The following RBFOX1 variants were observed in gnomAD, a reference collection of about 807,000 sequenced individuals.
RBFOX1 encodes RNA binding fox-1 homolog 1.
RBFOX1 carries 8 observed loss-of-function variants against 57.7 expected under a neutral mutation model. The observed-to-expected ratio is 0.14, with a 90% CI of 0.08 to 0.25. RBFOX1 has a LOEUF of 0.25. Ranked by LOEUF, RBFOX1 falls within the 10% of genes least tolerant of loss-of-function variation. The pLI is 1.00. For missense variants in RBFOX1, 611 were observed against 548.5 expected (o/e 1.11, Z -1.14); for synonymous variants, 326 against 222.4 (o/e 1.47, Z -4.15).
At chr16:6,133,243 A>T (rs2096642641) in intron 1 of RBFOX1, among the ~76,000 whole-genome samples, 1 of 152,082 alleles carries the variant, frequency 6.6e-6, no homozygotes, top group South Asian at 2.1e-4. Flanking sequence ...AAGTCCCCTG[A>T]TTGCTCCACT....
chr16:5,844,618 G>A (rs1289408595), intron 3 of RBFOX1, among the ~76,000 whole-genome samples: 1 of 152,130 alleles, frequency 6.6e-6, no homozygotes, highest in Non-Finnish European at 1.5e-5. Flanking sequence ...AAAATAAGCA[G>A]TGTGTCACTT....
intron 3 of RBFOX1, among the ~76,000 whole-genome samples, chr16:5,627,630 C>G (rs183731714): frequency 6.6e-6 from 1 of 152,220 alleles, no homozygotes; most frequent in East Asian, 1.9e-4. Flanking sequence ...GGGATTGATA[C>G]CCCAAAGTAG....
chr16:6,383,745 G>A (rs1006789943), intron 2 of RBFOX1, among the ~76,000 whole-genome samples: 1 of 151,886 alleles, frequency 6.6e-6, no homozygotes, highest in African/African-American at 2.4e-5. Context: ...ACTCCAGCCT[G>A]GGCGACAGTG....
chr16:7,090,636 C>T (rs1482558340), intron 4 of RBFOX1, among the ~76,000 whole-genome samples: 4 of 151,998 alleles, frequency 2.6e-5, no homozygotes, highest in East Asian at 1.9e-4. Flanking sequence ...TTGTAGTTTT[C>T]GTTGTATTTT....
chr16:6,779,991 A>T (rs1424645235), intron 3 of RBFOX1, among the ~76,000 whole-genome samples: 1 of 53,330 alleles, frequency 1.9e-5, no homozygotes, highest in African/African-American at 9.9e-5. Context: ...TTATATATTT[A>T]TATATTTATA....
At chr16:5,563,038 C>G (rs1290634579) in intron 2 of RBFOX1, among the ~76,000 whole-genome samples, 1 of 152,148 alleles carries the variant, frequency 6.6e-6, no homozygotes, top group Non-Finnish European at 1.5e-5. Flanking sequence ...CAACCTCTGC[C>G]TCCCAGGTTC....
At chr16:6,470,916 G>A (rs756783005) in intron 2 of RBFOX1, among the ~76,000 whole-genome samples, 2 of 151,796 alleles carry the variant, frequency 1.3e-5, no homozygotes, top group African/African-American at 2.4e-5. Context: ...CTGTGTCTTT[G>A]TGCAAACCCT....
At chr16:7,129,719 C>A (rs940202174) in intron 4 of RBFOX1, among the ~76,000 whole-genome samples, 1 of 151,804 alleles carries the variant, frequency 6.6e-6, no homozygotes, top group African/African-American at 2.4e-5. Flanking sequence ...GCCCCCAAAT[C>A]GGGTTGTGTG....
intron 2 of RBFOX1, among the ~76,000 whole-genome samples, chr16:5,494,807 C>T (rs1303854763): frequency 6.6e-6 from 1 of 152,132 alleles, no homozygotes; most frequent in Non-Finnish European, 1.5e-5. Flanking sequence ...AACTAAGGGA[C>T]CCTCAGAGAT....
At chr16:7,229,541 A>AGAGAGAGGG (rs2093353572) in intron 4 of RBFOX1, among the ~76,000 whole-genome samples, 1 of 139,054 alleles carries the variant, frequency 7.2e-6, no homozygotes, top group Non-Finnish European at 1.6e-5. Context: ...GGAGGAAGGG[A>AGAGAGAGGG]AGGAGAGAGA....
At chr16:7,129,597 C>G (rs1196157292) in intron 4 of RBFOX1, among the ~76,000 whole-genome samples, 2 of 151,954 alleles carry the variant, frequency 1.3e-5, no homozygotes. Context: ...TTACAGTTGG[C>G]TTTAAGTGTA....
intron 1 of RBFOX1, among the ~76,000 whole-genome samples, chr16:6,163,913 T>G (rs532416670): frequency 6.6e-6 from 1 of 152,298 alleles, no homozygotes; most frequent in South Asian, 2.1e-4. Flanking sequence ...GTTTTCTTAT[T>G]GAGTATATTT....
intron 1 of RBFOX1, among the ~76,000 whole-genome samples, chr16:6,279,995 G>A (rs901790894): frequency 3.3e-5 from 5 of 151,986 alleles, no homozygotes; most frequent in Admixed American, 3.3e-4. Flanking sequence ...GTGGACTGGG[G>A]ACATTACAGA....
intron 14 of RBFOX1, among the ~76,000 whole-genome samples, chr16:7,688,887 T>A (rs767580841): frequency 1.7e-4 from 26 of 152,074 alleles, no homozygotes; most frequent in Non-Finnish European, 2.9e-4. Context: ...AGATTCAGAA[T>A]GTTAAGTTAC....
At position 6,072,093 on chromosome 16, in the gene RBFOX1, G is replaced by T. The variant is rs140301958; in HGVS notation, c.-127+52101G>T. Among the ~76,000 whole-genome samples, 103 of 152,310 alleles carry T rather than the reference G, an allele frequency of 6.8e-4. No individual in the cohort carries two copies. In the East Asian group the frequency reaches 0.017, roughly 25 times the overall value. On this transcript the variant is annotated intron_variant, in intron 1 of 15. Transcript: ENST00000550418. ...GGGCTGGGGAGACCTCACAATCATGGCTGAAGGTGAAGGAGGAGCACAGGC... is the reference window on the plus strand; with the variant it reads ...GGGCTGGGGAGACCTCACAATCATGTCTGAAGGTGAAGGAGGAGCACAGGC...
intron 1 of RBFOX1, among the ~76,000 whole-genome samples, chr16:6,183,774 A>C (rs534796720): frequency 6.6e-6 from 1 of 152,264 alleles, no homozygotes; most frequent in South Asian, 2.1e-4. Flanking sequence ...GGGGAGAAAA[A>C]GAGACAAGAG....
At chr16:6,004,777 G>T (rs1226348075) in intron 4 of RBFOX1, among the ~76,000 whole-genome samples, 1 of 152,178 alleles carries the variant, frequency 6.6e-6, no homozygotes, top group Non-Finnish European at 1.5e-5. Flanking sequence ...GAACCTCGGA[G>T]TACTTTTTAT....
At chr16:7,644,600 T>C (rs3785227) in intron 11 of RBFOX1, among the ~76,000 whole-genome samples, 1 of 152,036 alleles carries the variant, frequency 6.6e-6, no homozygotes, top group Non-Finnish European at 1.5e-5. Flanking sequence ...GACTATGGCA[T>C]TCCGAGTTCA....
chr16:7,598,400 G>T (rs554244679), intron 9 of RBFOX1, among the ~76,000 whole-genome samples: 1 of 151,960 alleles, frequency 6.6e-6, no homozygotes, highest in Non-Finnish European at 1.5e-5. Context: ...TTTGATTCAG[G>T]TTCATAAAAA....
Sources: allele counts gnomAD v4.1 joint callset (sites outside exome capture counted in the v4.1 genomes callset), GRCh38; gene constraint gnomAD v4.1.1; transcripts MANE v1.5; gene names NCBI Gene and HGNC (gene_info 2026-07-23, HGNC 2026-07-21).